Variants in SEMA3E observed in about 807,000 individuals in gnomAD.
SEMA3E encodes semaphorin 3E.
Under a neutral mutation model 93.6 loss-of-function variants are expected in SEMA3E, and 49 were observed. That is an observed-to-expected ratio of 0.52 (90% confidence interval 0.42 to 0.66). The LOEUF is 0.66. Ranked by LOEUF, SEMA3E falls within the 30% of genes least tolerant of loss-of-function variation. SEMA3E has a pLI of 0.00. For missense variants in SEMA3E, 906 were observed against 964.8 expected (o/e 0.94, Z 0.81); for synonymous variants, 363 against 330.7 (o/e 1.10, Z -1.06).
chr7:83,593,284 C>CTCTCTGTG (rs1324576607), intron 1 of SEMA3E, among the ~76,000 whole-genome samples: 4 of 116,696 alleles, frequency 3.4e-5, no homozygotes, highest in Non-Finnish European at 5.4e-5. Context: ...CTCTCTCTCT[C>CTCTCTGTG]TGTGTGTGTG....
intron 5 of SEMA3E, among the ~76,000 whole-genome samples, chr7:83,409,038 T>A (rs2245107): frequency 0.51 from 77,111 of 152,076 alleles, 22,430 homozygotes; most frequent in East Asian, 0.85. Context: ...TCATTCAATT[T>A]GTAAATTTGT....
intron 1 of SEMA3E, among the ~76,000 whole-genome samples, chr7:83,600,394 A>T (rs776598344): frequency 1.1e-4 from 16 of 145,452 alleles, no homozygotes; most frequent in Non-Finnish European, 1.9e-4. Flanking sequence ...ATCTCGGCTC[A>T]CTGCAAGCTC....
intron 1 of SEMA3E, among the ~76,000 whole-genome samples, chr7:83,545,568 A>AGAG (rs77405877): frequency 0.33 from 48,810 of 147,846 alleles, 10,190 homozygotes; most frequent in African/African-American, 0.57. Context: ...AAAAAAAAAA[A>AGAG]AGAAATAGTG....
intron 1 of SEMA3E, among the ~76,000 whole-genome samples, chr7:83,502,823 C>T (rs1790620990): frequency 2.0e-5 from 3 of 152,034 alleles, no homozygotes; most frequent in Admixed American, 6.6e-5. Flanking sequence ...TCCCCAGGAC[C>T]TAGACCAGTT....
intron 4 of SEMA3E, among the ~76,000 whole-genome samples, chr7:83,444,458 T>A (rs1473735934): frequency 6.6e-6 from 1 of 152,124 alleles, no homozygotes; most frequent in Non-Finnish European, 1.5e-5. Flanking sequence ...ACTTTAGGGA[T>A]AAATGTCCAG....
chr7:83,513,461 A>T (rs1656525704), intron 1 of SEMA3E, among the ~76,000 whole-genome samples: 2 of 152,218 alleles, frequency 1.3e-5, no homozygotes, highest in Admixed American at 6.5e-5. Context: ...TAGAGTATTA[A>T]TGAATACAAT....
At chr7:83,526,184 T>C (rs552770653) in intron 1 of SEMA3E, among the ~76,000 whole-genome samples, 76 of 152,200 alleles carry the variant, frequency 5.0e-4, no homozygotes, top group Non-Finnish European at 9.6e-4. Context: ...CTGTTAGAAA[T>C]TGGATGTGGT....
intron 1 of SEMA3E, among the ~76,000 whole-genome samples, chr7:83,564,130 A>G (rs910981030): frequency 1.2e-4 from 18 of 152,336 alleles, no homozygotes; most frequent in African/African-American, 3.8e-4. Context: ...CACTTTCTCT[A>G]AAAAGCCATT....
chr7:83,446,294 G>A (rs568315038), intron 4 of SEMA3E, among the ~76,000 whole-genome samples: 2 of 152,278 alleles, frequency 1.3e-5, no homozygotes, highest in African/African-American at 4.8e-5. Context: ...CATGTATATA[G>A]GCTCATCTGA....
intron 1 of SEMA3E, among the ~76,000 whole-genome samples, chr7:83,598,064 C>G (rs1325990439): frequency 6.6e-6 from 1 of 152,144 alleles, no homozygotes; most frequent in Non-Finnish European, 1.5e-5. Flanking sequence ...AGCTTCATAT[C>G]AATATATGAG....
intron 1 of SEMA3E, among the ~76,000 whole-genome samples, chr7:83,561,517 T>A (rs983339721): frequency 6.6e-6 from 1 of 152,098 alleles, no homozygotes; most frequent in Non-Finnish European, 1.5e-5. Flanking sequence ...GAAAACTTTG[T>A]TCTTAACACC....
intron 1 of SEMA3E, among the ~76,000 whole-genome samples, chr7:83,589,482 C>G (rs1336562532): frequency 6.6e-6 from 1 of 152,094 alleles, no homozygotes; most frequent in Non-Finnish European, 1.5e-5. Flanking sequence ...ATGGAGACTG[C>G]AATCTAACCT....
At chr7:83,558,157 C>G (rs962124285) in intron 1 of SEMA3E, among the ~76,000 whole-genome samples, 1 of 152,028 alleles carries the variant, frequency 6.6e-6, no homozygotes, top group African/African-American at 2.4e-5. Flanking sequence ...ATGTAGTAAA[C>G]AATTTCAGTA....
intron 1 of SEMA3E, among the ~76,000 whole-genome samples, chr7:83,599,342 T>C (rs1265031933): frequency 6.6e-6 from 1 of 152,188 alleles, no homozygotes; most frequent in African/African-American, 2.4e-5. Context: ...TATTCTGTGG[T>C]TAAGCAAAAG....
At chr7:83,436,834 T>G (rs906657837) in intron 4 of SEMA3E, among the ~76,000 whole-genome samples, 1 of 152,212 alleles carries the variant, frequency 6.6e-6, no homozygotes, top group African/African-American at 2.4e-5. Context: ...GGTGGTTGTA[T>G]TAGTCCGTTT....
intron 16 of SEMA3E, among the ~76,000 whole-genome samples, chr7:83,369,761 C>T (rs1384348148): frequency 6.6e-5 from 10 of 152,186 alleles, no homozygotes; most frequent in Admixed American, 6.5e-4. Flanking sequence ...AGGCAACTAA[C>T]TTTTAAAGGA....
chr7:83,388,295 G>A (rs1437616996), intron 14 of SEMA3E, among the ~76,000 whole-genome samples: 5 of 139,016 alleles, frequency 3.6e-5, no homozygotes, highest in African/African-American at 1.3e-4. Flanking sequence ...GCAATGAAAT[G>A]ATACCCCATC....
At chr7:83,571,216 AT>A (rs1406346623) in intron 1 of SEMA3E, among the ~76,000 whole-genome samples, 5 of 152,204 alleles carry the variant, frequency 3.3e-5, no homozygotes, top group African/African-American at 4.8e-5. Flanking sequence ...TCTCTAACTC[AT>A]TCCACAAAGC....
At chr7:83,537,971 T>C (rs1405907530) in intron 1 of SEMA3E, among the ~76,000 whole-genome samples, 1 of 152,184 alleles carries the variant, frequency 6.6e-6, no homozygotes, top group Non-Finnish European at 1.5e-5. Context: ...AATAGAATCA[T>C]ATGGTATGTG....
Sources: allele counts gnomAD v4.1 joint callset (sites outside exome capture counted in the v4.1 genomes callset), GRCh38; gene constraint gnomAD v4.1.1; transcripts MANE v1.5; gene names NCBI Gene and HGNC (gene_info 2026-07-23, HGNC 2026-07-21).